Variants in C1GALT1 observed in about 807,000 individuals in gnomAD.
C1GALT1 encodes the protein glycoprotein-N-acetylgalactosamine 3-beta-galactosyltransferase 1.
In C1GALT1, 11 loss-of-function variants were observed where a neutral mutation model predicts 31.0. That is an observed-to-expected ratio of 0.36 (90% CI 0.22 to 0.59). C1GALT1 has a LOEUF of 0.59. C1GALT1 is among the 20% of genes least tolerant of loss of function. C1GALT1 has a pLI of 0.79. For synonymous variants in C1GALT1, 175 were observed against 143.6 expected (o/e 1.22, Z -1.56); for missense variants, 424 against 425.2 (o/e 1.00, Z 0.03).
chr7:7,229,738 C>T (rs1311404251), intron 1 of C1GALT1, among the ~76,000 whole-genome samples: 1 of 152,104 alleles, frequency 6.6e-6, no homozygotes, highest in Non-Finnish European at 1.5e-5. Context: ...ACACTAACGG[C>T]CAACCTGAAT....
chr7:7,203,945 C>CT (rs2128236521), intron 1 of C1GALT1, among the ~76,000 whole-genome samples: 1 of 152,026 alleles, frequency 6.6e-6, no homozygotes, highest in South Asian at 2.1e-4. Context: ...ATTTTGCATC[C>CT]TTTAACACAT....
At chr7:7,172,958 C>T (rs1780470118) in intron 2 of C1GALT1, among the ~76,000 whole-genome samples, 2 of 152,202 alleles carry the variant, frequency 1.3e-5, no homozygotes, top group South Asian at 4.1e-4. Context: ...CTATGCTCCA[C>T]CTATTCATCA....
chr7:7,227,021 C>T (rs773572091), intron 1 of C1GALT1, among the ~76,000 whole-genome samples: 9 of 152,090 alleles, frequency 5.9e-5, no homozygotes, highest in Non-Finnish European at 1.3e-4. Flanking sequence ...TAAAATTGAG[C>T]TTATTTAATG....
At chr7:7,182,407 C>T (rs1019672286), upstream of C1GALT1, 6 of 152,282 alleles carry the variant, frequency 3.9e-5, no homozygotes, top group African/African-American at 1.4e-4. Context: ...GATCCGACTT[C>T]CCAGACCCCT....
intron 3 of C1GALT1, among the ~76,000 whole-genome samples, chr7:7,241,124 A>C (rs561500769): frequency 6.6e-6 from 1 of 152,110 alleles, no homozygotes; most frequent in Non-Finnish European, 1.5e-5. Context: ...TCTACATGAA[A>C]AATTGACTTT....
intron 1 of C1GALT1, among the ~76,000 whole-genome samples, chr7:7,232,119 G>C (rs930433622): frequency 6.6e-6 from 1 of 152,196 alleles, no homozygotes; most frequent in African/African-American, 2.4e-5. Context: ...AGCAGTGCCA[G>C]ATGTCTGGTC....
Position 7,182,802 on chromosome 7 carries a change from G to T in C1GALT1, c.-36G>T, listed in dbSNP as rs977186048. ...TCCGCCCCCCAGGAGGGGCGAGAGGGAGCCGCAGCTGATGTCAGGTATGGC... is the reference window on the plus strand; with the variant it reads ...TCCGCCCCCCAGGAGGGGCGAGAGGTAGCCGCAGCTGATGTCAGGTATGGC... On this transcript the variant is annotated 5_prime_UTR_variant, in exon 1 of 4. Transcript: ENST00000436587. 2.0e-6 allele frequency: 2 copies of T among 985,434 alleles called. No homozygotes were observed. Among genetic ancestry groups the T allele is most frequent in the Non-Finnish European group, 2.4e-6 (2 of 830,054 alleles). 61.0% of individuals were successfully genotyped at this position (985,434 alleles called of 1,614,324 possible). A position where few individuals can be genotyped will look rare whatever the true frequency, so the allele number is the denominator to read the frequency against.
chr7:7,199,450 A>G (rs1439656367), intron 1 of C1GALT1, among the ~76,000 whole-genome samples: 1 of 152,182 alleles, frequency 6.6e-6, no homozygotes, highest in African/African-American at 2.4e-5. Context: ...GGAGTGCTTT[A>G]CTTCCAACTA....
rs181512575 is a variant in C1GALT1, at chr7:7,222,845, A to C, written c.-17-11458A>C. ...TACTATAATCATTTGAAGAAAGAAT[A>C]AAGTAAATATGCCAAATTTTGTATT... is the stretch of plus-strand genomic sequence containing the variant. On this transcript the variant is annotated intron_variant, in intron 1 of 3. Coordinates refer to ENST00000436587, the MANE Select transcript of C1GALT1 (RefSeq NM_020156.5). Among the ~76,000 whole-genome samples, 17 of 152,354 alleles carry C rather than the reference A, an allele frequency of 1.1e-4. No homozygotes were observed. In the East Asian group the frequency reaches 3.3e-3, roughly 29 times the overall value.
intron 1 of C1GALT1, among the ~76,000 whole-genome samples, chr7:7,224,980 G>C (rs1017524492): frequency 2.0e-5 from 3 of 152,052 alleles, no homozygotes; most frequent in Non-Finnish European, 2.9e-5. Flanking sequence ...TCCAGTCTTA[G>C]GTAGTTTCTG....
intron 2 of C1GALT1, among the ~76,000 whole-genome samples, chr7:7,169,560 C>G (rs1258300177): frequency 6.6e-6 from 1 of 150,706 alleles, no homozygotes; most frequent in Non-Finnish European, 1.5e-5. Context: ...TTTTCTTAAT[C>G]TTACAGCTAT....
chr7:7,242,893 C>T (rs967958751), intron 3 of C1GALT1, among the ~76,000 whole-genome samples: 1 of 152,058 alleles, frequency 6.6e-6, no homozygotes, highest in African/African-American at 2.4e-5. Flanking sequence ...CACACATTGT[C>T]TCCTTTAAAT....
At chr7:7,168,931 T>C (rs760645771) in intron 2 of C1GALT1, among the ~76,000 whole-genome samples, 4 of 152,244 alleles carry the variant, frequency 2.6e-5, no homozygotes, top group Non-Finnish European at 5.9e-5. Flanking sequence ...GTGGCATTAA[T>C]TGCATACATG....
chr7:7,168,147 G>A (rs1168328428), intron 2 of C1GALT1, among the ~76,000 whole-genome samples: 1 of 152,200 alleles, frequency 6.6e-6, no homozygotes, highest in Non-Finnish European at 1.5e-5. Context: ...CAGTTGTAGA[G>A]GGTGGTAAGG....
intron 2 of C1GALT1, among the ~76,000 whole-genome samples, chr7:7,175,682 G>A (rs1780498511): frequency 1.3e-5 from 2 of 152,132 alleles, no homozygotes. Flanking sequence ...GTATTAGTCT[G>A]CTTGGGCTAC....
chr7:7,234,663 T>C, intron 2 of C1GALT1, 124 bp downstream of exon 2: 2 of 708,002 alleles, frequency 2.8e-6, no homozygotes, highest in East Asian at 2.8e-5. Flanking sequence ...TAATTCTTGG[T>C]TTGCCTCAAG....
rs1047135022 is a variant in C1GALT1 at position 7,182,817 on chromosome 7, T to G, written c.-21T>G. ...GGGCGAGAGGGAGCCGCAGCTGATG[T>G]CAGGTATGGCCGGCGGAGGCGCCCT... On this transcript the variant is annotated 5_prime_UTR_variant, in exon 1 of 4. Coordinates refer to ENST00000436587, the MANE Select transcript of C1GALT1 (RefSeq NM_020156.5). The G allele has an allele frequency of 3.0e-6, 3 of 985,344 alleles. No homozygotes were observed. Among genetic ancestry groups the G allele is most frequent in the African/African-American group, 1.7e-5 (1 of 57,206 alleles). 61.0% of individuals were successfully genotyped at this position (985,344 alleles called of 1,614,324 possible). A position where few individuals can be genotyped will look rare whatever the true frequency, so the allele number is the denominator to read the frequency against.
intron 2 of C1GALT1, among the ~76,000 whole-genome samples, chr7:7,170,139 A>G (rs1780438065): frequency 6.6e-6 from 1 of 152,002 alleles, no homozygotes; most frequent in Non-Finnish European, 1.5e-5. Context: ...TAATGCCCCT[A>G]TTCTCATTTT....
chr7:7,207,178 T>C (rs1396690620), intron 1 of C1GALT1, among the ~76,000 whole-genome samples: 1 of 152,058 alleles, frequency 6.6e-6, no homozygotes, highest in Non-Finnish European at 1.5e-5. Context: ...TCAATTGTTC[T>C]CTCTTCAAGT....
Sources: gnomAD v4.1 joint callset for allele counts (sites outside exome capture counted in the v4.1 genomes callset) on GRCh38, gnomAD v4.1.1 for gene constraint, MANE v1.5 for transcripts, NCBI Gene and HGNC (gene_info 2026-07-23, HGNC 2026-07-21) for gene names.